Variants in CDKL3 observed in about 807,000 individuals in gnomAD.
CDKL3 encodes cyclin dependent kinase like 3, also known as cyclin-dependent kinase-like 3.
A neutral mutation model predicts 69.3 loss-of-function variants in CDKL3; 65 were observed. That is an observed-to-expected ratio of 0.94 (90% CI 0.77 to 1.15). The LOEUF (loss-of-function observed/expected upper bound fraction) is 1.15, where lower values mean the gene tolerates loss of function less well. CDKL3 is among the 50% of genes most tolerant of loss of function. The probability of loss-of-function intolerance (pLI) is 0.00; values close to 1 mark genes in which losing one functional copy is unlikely to be tolerated. For synonymous variants in CDKL3, 202 were observed against 221.6 expected (o/e 0.91, Z 0.79); for missense variants, 652 against 689.2 (o/e 0.95, Z 0.61).
At chr5:134,343,719 A>G (rs900869255) in intron 4 of CDKL3, among the ~76,000 whole-genome samples, 3 of 152,190 alleles carry the variant, frequency 2.0e-5, no homozygotes, top group Non-Finnish European at 2.9e-5. Flanking sequence ...AGACCCAGGA[A>G]GTGATTCAGT....
intron 10 of CDKL3, among the ~76,000 whole-genome samples, 172 bp downstream of exon 10, chr5:134,306,437 C>T (rs1767844055): frequency 6.6e-6 from 1 of 151,976 alleles, no homozygotes; most frequent in African/African-American, 2.4e-5. Flanking sequence ...GTCGAGGCTG[C>T]AGTGAGCTGA....
At chr5:134,296,782 TACACAC>T (rs36097045), downstream of CDKL3, among the ~76,000 whole-genome samples, 147 of 141,584 alleles carry the variant, frequency 1.0e-3, no homozygotes, top group Non-Finnish European at 1.7e-3. Context: ...ACCCTGTCTC[TACACAC>T]ACACACACAC....
intron 4 of CDKL3, among the ~76,000 whole-genome samples, chr5:134,345,899 T>C (rs1465027721): frequency 1.3e-5 from 2 of 152,172 alleles, no homozygotes; most frequent in East Asian, 1.9e-4. Context: ...TAATAACAAT[T>C]GTGTCCAGGC....
chr5:134,363,979 G>A (rs10479076), intron 2 of CDKL3, among the ~76,000 whole-genome samples: 5,465 of 108,508 alleles, frequency 0.05, 282 homozygotes, highest in African/African-American at 0.18. Context: ...AAAAAAAAAA[G>A]AGAGAGAAAG....
downstream of CDKL3, among the ~76,000 whole-genome samples, chr5:134,295,694 T>C (rs1393949547): frequency 6.6e-6 from 1 of 152,242 alleles, no homozygotes; most frequent in Non-Finnish European, 1.5e-5. Flanking sequence ...TTGTTTTTCA[T>C]GTTTCTTTAG....
At chr5:134,323,947 T>C (rs1036666929) in intron 4 of CDKL3, among the ~76,000 whole-genome samples, 1 of 152,116 alleles carries the variant, frequency 6.6e-6, no homozygotes, top group Non-Finnish European at 1.5e-5. Flanking sequence ...CGAGAAAATA[T>C]TTGCAAAATA....
chr5:134,317,294 C>T (rs1051833034), intron 6 of CDKL3, among the ~76,000 whole-genome samples: 1 of 151,998 alleles, frequency 6.6e-6, no homozygotes. Flanking sequence ...CGCCACCACG[C>T]CCGGCTAATT....
intron 4 of CDKL3, among the ~76,000 whole-genome samples, chr5:134,335,351 T>C (rs541897882): frequency 2.0e-5 from 3 of 152,288 alleles, no homozygotes; most frequent in African/African-American, 4.8e-5. Flanking sequence ...ATGTGTGAAT[T>C]TGATTCTGTC....
intron 3 of CDKL3, among the ~76,000 whole-genome samples, chr5:134,357,125 T>A (rs921906955): frequency 6.6e-6 from 1 of 152,218 alleles, no homozygotes; most frequent in Middle Eastern, 3.4e-3. Flanking sequence ...TTAGTATGGG[T>A]CTATCCAAAC....
upstream of CDKL3, chr5:134,371,521 G>T (rs535705175): frequency 6.4e-6 from 10 of 1,557,748 alleles, no homozygotes; most frequent in African/African-American, 9.8e-5. Context: ...CAGTGATTCG[G>T]CCGCCGCGCC....
At chr5:134,336,820 G>A (rs909697132) in intron 4 of CDKL3, among the ~76,000 whole-genome samples, 3 of 152,148 alleles carry the variant, frequency 2.0e-5, no homozygotes, top group East Asian at 3.9e-4. Context: ...GTCTGTTATC[G>A]GAGCTCAGAT....
chr5:134,359,599 A>G (rs533318600), intron 3 of CDKL3, among the ~76,000 whole-genome samples: 1 of 152,152 alleles, frequency 6.6e-6, no homozygotes, highest in Admixed American at 6.6e-5. Context: ...ATGTTTTAAT[A>G]TACTTTCTCT....
chr5:134,306,614 T>C lies in CDKL3; in HGVS notation c.1453A>G (p.Ile485Val). Residue 485 changes from isoleucine (I) to valine (V), a missense_variant, in exon 10 of 13, where the codon ATT (isoleucine) becomes GTT (valine). By Grantham distance (29) the Ile-to-Val change is conservative (BLOSUM62 3). Coordinates refer to ENST00000265334, the MANE Select transcript of CDKL3 (RefSeq NM_001113575.2). ...PNSRQEDPGP[I>V]QSQMEKGIFN... ...TGTGTAGCTTCTTGCCTTACTTGAA[T>C]AGGACCTGGATCCTCTTGCCTGCTA... 1 of 1,584,396 alleles carries C rather than the reference T, an allele frequency of 6.3e-7. No individual in the cohort carries two copies. Among genetic ancestry groups the C allele is most frequent in the Non-Finnish European group, 8.6e-7 (1 of 1,159,408 alleles).
chr5:134,339,638 A>G (rs1749957347), intron 4 of CDKL3, among the ~76,000 whole-genome samples: 2 of 152,232 alleles, frequency 1.3e-5, no homozygotes, highest in African/African-American at 4.8e-5. Context: ...CTCAAGTCAC[A>G]TGGAACATTC....
At chr5:134,319,000 C>A (rs1771960464) in intron 6 of CDKL3, 2 of 155,634 alleles carry the variant, frequency 1.3e-5, no homozygotes, top group Admixed American at 6.5e-5. Context: ...ATGCAAATTT[C>A]TCAGATATAA....
rs1750640693 is a variant in CDKL3, at chr5:134,342,104, T to C, written c.539+8145A>G. 2.6e-5 allele frequency among the ~76,000 whole-genome samples: 4 copies of C among 152,112 alleles called. No homozygotes were observed. The South Asian group carries it at 8.3e-4, about 32-fold the overall frequency. On this transcript the variant is annotated intron_variant, in intron 4 of 12. Transcript: ENST00000265334. Reference sequence around the variant, plus strand: ...GCACGAGATGACGAACCCTGGGTATTTACTCCAGACAATGACACCACTTCA... The same window carrying C: ...GCACGAGATGACGAACCCTGGGTATCTACTCCAGACAATGACACCACTTCA...
downstream of CDKL3, among the ~76,000 whole-genome samples, chr5:134,294,925 T>C (rs1160746242): frequency 2.0e-5 from 3 of 151,460 alleles, no homozygotes; most frequent in Non-Finnish European, 4.4e-5. Flanking sequence ...TACAGAAAAC[T>C]ATAAAATATT....
chr5:134,328,967 G>A (rs2149514361), intron 4 of CDKL3, among the ~76,000 whole-genome samples: 1 of 152,258 alleles, frequency 6.6e-6, no homozygotes, highest in Admixed American at 6.5e-5. Context: ...GAGAGAATTT[G>A]TTGCTAACCA....
At chr5:134,314,214 T>C (rs1210404945) in intron 6 of CDKL3, among the ~76,000 whole-genome samples, 1 of 152,182 alleles carries the variant, frequency 6.6e-6, no homozygotes, top group East Asian at 1.9e-4. Flanking sequence ...TGTGCTCATT[T>C]TAGAATATAA....
Sources: gnomAD v4.1 joint callset for allele counts (sites outside exome capture counted in the v4.1 genomes callset) on GRCh38, gnomAD v4.1.1 for gene constraint, MANE v1.5 for transcripts, NCBI Gene and HGNC (gene_info 2026-07-23, HGNC 2026-07-21) for gene names.